Variants in TNS1 observed in about 807,000 individuals in gnomAD.
TNS1 encodes the protein tensin 1.
Under a neutral mutation model 168.6 loss-of-function variants are expected in TNS1, and 62 were observed. That is an observed-to-expected ratio of 0.37 (90% CI 0.30 to 0.45). The LOEUF is 0.45. Among genes scored for constraint, TNS1 ranks in the 20% least tolerant of loss-of-function variants. The probability of loss-of-function intolerance (pLI) is 1.00; values close to 1 mark genes in which losing one functional copy is unlikely to be tolerated. For synonymous variants in TNS1, 934 were observed against 933.2 expected, an observed-to-expected ratio of 1.00 and a Z score of -0.02; for missense variants, 2,240 against 2,339.4, an observed-to-expected ratio of 0.96 and a Z score of 0.88.
chr2:217,885,713 G>T, intron 15 of TNS1, 31 bp downstream of exon 15: 1 of 1,562,458 alleles, frequency 6.4e-7, no homozygotes, highest in Non-Finnish European at 8.6e-7. Flanking sequence ...AATAAACAAG[G>T]ATGGGGCTTG....
intron 3 of TNS1, among the ~76,000 whole-genome samples, chr2:217,923,781 C>T (rs149903625): frequency 4.3e-4 from 66 of 152,320 alleles, no homozygotes; most frequent in African/African-American, 1.4e-3. Flanking sequence ...TAACAATTTG[C>T]CCAGCACTGC....
Position 217,929,612 on chromosome 2 carries a change from C to T in TNS1, c.187-9376G>A, listed in dbSNP as rs182059087. 6.3e-3 allele frequency among the ~76,000 whole-genome samples: 961 copies of T among 152,224 alleles called. 12 individuals are homozygous for T. The highest frequency in any genetic ancestry group is 0.022 in the African/African-American group (903 of 41,540). Reference sequence around the variant, plus strand: ...CTGGTTTCATGATCCTGCCCACACTCGGCCACCTCCTGGCCTTCCTGCATG... The same window carrying T: ...CTGGTTTCATGATCCTGCCCACACTTGGCCACCTCCTGGCCTTCCTGCATG... On this transcript the variant is annotated intron_variant, in intron 3 of 32. Coordinates refer to ENST00000682258, the MANE Select transcript of TNS1 (RefSeq NM_001387777.1).
intron 3 of TNS1, among the ~76,000 whole-genome samples, chr2:217,955,373 G>A (rs923430669): frequency 1.3e-5 from 2 of 152,182 alleles, no homozygotes; most frequent in African/African-American, 4.8e-5. Context: ...CATCCACGCA[G>A]GGAAGGAGGG....
At chr2:217,971,285 G>A (rs1957768250) in intron 3 of TNS1, among the ~76,000 whole-genome samples, 1 of 152,154 alleles carries the variant, frequency 6.6e-6, no homozygotes, top group Non-Finnish European at 1.5e-5. Context: ...TGTCACTAGC[G>A]ATTTGTCTTT....
In TNS1 at chr2:217,817,965, G is replaced by C; in HGVS notation, c.4367C>G (p.Ser1456Cys). 1 of 1,605,896 alleles carries C rather than the reference G, an allele frequency of 6.2e-7. No homozygotes were observed. The highest frequency in any genetic ancestry group is 8.5e-7 in the Non-Finnish European group (1 of 1,176,088). Residue 1456 changes from serine (S) to cysteine (C), a missense_variant, in exon 24 of 33, where the codon TCC becomes TGC. Ser to Cys is a moderately radical substitution (Grantham distance 112). This residue lies in a region of TNS1 where 2,131 missense variants were observed against 2,171.2 expected (regional missense o/e 0.98). Coordinates refer to ENST00000682258, the MANE Select transcript of TNS1 (RefSeq NM_001387777.1). ...GTAGTAGGCAGGGGAGACAGGGAAG[G>C]AGGGCGTGGAAGGAGCCTGGTAGCC... ...ASGYQAPSTP[S>C]FPVSPAYYPG...
At chr2:217,881,112 C>T (rs1020107784) in intron 17 of TNS1, 98 bp from the exon 18 acceptor site, 49 of 851,680 alleles carry the variant, frequency 5.8e-5, no homozygotes, top group Middle Eastern at 3.3e-4. Flanking sequence ...ACAAGCTCCC[C>T]AAAAGAGGCT....
At chr2:217,831,344 TG>T in intron 22 of TNS1, 110 bp downstream of exon 22, 1 of 947,242 alleles carries the variant, frequency 1.1e-6, no homozygotes, top group Non-Finnish European at 1.5e-6. Context: ...GACCTCAGTG[TG>T]GGCACAAAGC....
rs1951119190 is a variant in TNS1 at position 217,885,615 on chromosome 2, G to T, written c.1116+129C>A. ...CTGGAAGGTCTTCCAAGAGCCCTGA[G>T]AGCCTATGGTTCCAAGCCTGGCAGC... On this transcript the variant is annotated intron_variant, in intron 15 of 32. Coordinates refer to ENST00000682258, the MANE Select transcript of TNS1 (RefSeq NM_001387777.1). 3.4e-6 allele frequency: 3 copies of T among 886,472 alleles called. No homozygotes were observed. In the South Asian group the frequency reaches 4.7e-5, roughly 14 times the overall value. 54.9% of individuals were successfully genotyped at this position (886,472 alleles called of 1,614,324 possible). A position where few individuals can be genotyped will look rare whatever the true frequency, so the allele number is the denominator to read the frequency against.
intron 8 of TNS1, among the ~76,000 whole-genome samples, chr2:217,896,730 G>A (rs1196294263): frequency 6.6e-6 from 1 of 152,198 alleles, no homozygotes; most frequent in Non-Finnish European, 1.5e-5. Context: ...GCCATGGATA[G>A]TGGATACCAA....
At chr2:217,805,513 A>ACACCACACACAC (rs1938531555) in intron 32 of TNS1, among the ~76,000 whole-genome samples, 17 of 27,536 alleles carry the variant, frequency 6.2e-4, no homozygotes, top group African/African-American at 2.1e-3. Context: ...ACCACCACAC[A>ACACCACACACAC]CACCACACAC....
chr2:217,842,377 G>T (rs1461918833), intron 19 of TNS1, among the ~76,000 whole-genome samples: 2 of 152,078 alleles, frequency 1.3e-5, no homozygotes, highest in Non-Finnish European at 2.9e-5. Flanking sequence ...TTCATAAATT[G>T]TTACCCATCT....
chr2:217,914,695 A>G (rs1246155414), intron 4 of TNS1, among the ~76,000 whole-genome samples: 1 of 152,196 alleles, frequency 6.6e-6, no homozygotes, highest in East Asian at 1.9e-4. Context: ...CATGTTAGCC[A>G]GGATGGTCTC....
chr2:217,954,772 AC>A (rs995089030), intron 3 of TNS1, among the ~76,000 whole-genome samples: 2 of 152,034 alleles, frequency 1.3e-5, no homozygotes, highest in African/African-American at 4.8e-5. Context: ...CCTCCCAGCC[AC>A]CCCTTGGGCC....
Position 217,809,564 on chromosome 2 carries a change from G to C in TNS1, c.5273+259C>G, listed in dbSNP as rs201579651. 28 of 197,084 alleles carry C rather than the reference G, an allele frequency of 1.4e-4. 1 individual carries two copies. Among genetic ancestry groups the C allele is most frequent in the East Asian group, 4.5e-4 (5 of 11,004 alleles). 12.2% of individuals were successfully genotyped at this position (197,084 alleles called of 1,614,324 possible). A position where few individuals can be genotyped will look rare whatever the true frequency, so the allele number is the denominator to read the frequency against. On this transcript the variant is annotated intron_variant, in intron 30 of 32. Transcript: ENST00000682258. ...GCATGGATGGATGGATGGATGGATG[G>C]ATGGATGGATGGATAGGTGCATGGA... is the stretch of plus-strand genomic sequence containing the variant.
At chr2:218,026,273 G>A (rs533903695) in intron 1 of TNS1, among the ~76,000 whole-genome samples, 57 of 152,274 alleles carry the variant, frequency 3.7e-4, no homozygotes, top group African/African-American at 1.3e-3. Flanking sequence ...GTGTAAGCTC[G>A]AAGGCCGCTT....
At chr2:217,845,418 C>A (rs1337167874) in intron 19 of TNS1, among the ~76,000 whole-genome samples, 1 of 152,208 alleles carries the variant, frequency 6.6e-6, no homozygotes, top group Non-Finnish European at 1.5e-5. Context: ...TACACAGGCA[C>A]TGCAGATACC....
chr2:217,886,955 G>A (rs879562382), intron 12 of TNS1, among the ~76,000 whole-genome samples: 1 of 152,070 alleles, frequency 6.6e-6, no homozygotes, highest in Non-Finnish European at 1.5e-5. Context: ...CTCCCAGCCC[G>A]AGAATCTCCT....
rs13339795 is a variant in TNS1, at chr2:218,024,632, A to T, written c.156+9188T>A. 6.5e-3 allele frequency among the ~76,000 whole-genome samples: 983 copies of T among 152,038 alleles called. 13 individuals are homozygous for T. Among genetic ancestry groups the T allele is most frequent in the African/African-American group, 0.022 (926 of 41,456 alleles). On this transcript the variant is annotated intron_variant, in intron 1 of 1. Coordinates refer to the TNS1 transcript ENST00000649572. The stretch of plus-strand genomic sequence containing the variant: ...CTGCAGCTTGGCAATGGCTCTGAGC[A>T]CCCCTGCCCCACACATCAGCCAGCC...
chr2:217,884,429 A>G (rs916543182), intron 16 of TNS1, among the ~76,000 whole-genome samples: 1 of 152,178 alleles, frequency 6.6e-6, no homozygotes, highest in African/African-American at 2.4e-5. Context: ...TGTGATATAG[A>G]TAAAACTTCC....
Sources: gnomAD v4.1 joint callset for allele counts (sites outside exome capture counted in the v4.1 genomes callset) on GRCh38, gnomAD v4.1.1 for gene constraint, gnomAD v4.1.1 regional missense constraint, MANE v1.5 for transcripts, NCBI Gene and HGNC (gene_info 2026-07-23, HGNC 2026-07-21) for gene names.